IP6K2: variants seen among roughly 807,000 people sequenced by gnomAD.
IP6K2 encodes the protein inositol hexakisphosphate kinase 2.
IP6K2 carries 9 observed loss-of-function variants against 43.3 expected under a neutral mutation model. The ratio of observed to expected loss-of-function variants is 0.21; its 90% CI spans 0.13 to 0.36. The LOEUF is 0.36. Among genes scored for constraint, IP6K2 ranks in the 10% least tolerant of loss-of-function variants. The pLI, the probability that IP6K2 is intolerant of heterozygous loss-of-function variation, is 1.00. For missense variants in IP6K2, 332 were observed against 538.4 expected, an observed-to-expected ratio of 0.62 and a Z score of 3.79; for synonymous variants, 209 against 202.4, an observed-to-expected ratio of 1.03 and a Z score of -0.28.
At chr3:48,709,416 A>C (rs759631930) in intron 1 of IP6K2, among the ~76,000 whole-genome samples, 3 of 152,254 alleles carry the variant, frequency 2.0e-5, no homozygotes, top group Non-Finnish European at 4.4e-5. Flanking sequence ...AGGGTCTGCA[A>C]ACTACTCCAG....
At chr3:48,701,966 G>A (rs1009540974) in intron 1 of IP6K2, among the ~76,000 whole-genome samples, 1 of 152,248 alleles carries the variant, frequency 6.6e-6, no homozygotes, top group Non-Finnish European at 1.5e-5. Context: ...CTCATTGGCT[G>A]AAATTTCCTT....
intron 1 of IP6K2, chr3:48,715,275 G>A (rs1270457999): frequency 3.3e-6 from 5 of 1,535,674 alleles, no homozygotes; most frequent in East Asian, 2.4e-5. Context: ...TTCTTCCCCA[G>A]TGCATCCTCT....
chr3:48,715,384 C>T, intron 1 of IP6K2: 1 of 1,536,220 alleles, frequency 6.5e-7, no homozygotes, highest in Non-Finnish European at 8.7e-7. Context: ...ATCTCAGGAG[C>T]TTACAGAAGG....
At position 48,693,664 on chromosome 3, in the gene IP6K2, A is replaced by G. The variant is rs778736549; in HGVS notation, c.203-485T>C. 7.3e-6 allele frequency: 8 copies of G among 1,093,470 alleles called. 1 individual carries two copies. The South Asian group carries it at 2.1e-4, about 28-fold the overall frequency. 67.7% of individuals were successfully genotyped at this position (1,093,470 alleles called of 1,614,324 possible). On this transcript the variant is annotated intron_variant, in intron 2 of 5. Coordinates refer to ENST00000328631, the MANE Select transcript of IP6K2 (RefSeq NM_016291.4). ...TCCAAGAGTAAGGGAAGACTGGGTA[A>G]GCAAAGCAAAATAAAGGGGCAAACA... is the stretch of plus-strand genomic sequence containing the variant.
chr3:48,711,885 G>A (rs779102289), intron 1 of IP6K2, among the ~76,000 whole-genome samples: 4 of 152,032 alleles, frequency 2.6e-5, no homozygotes, highest in Non-Finnish European at 4.4e-5. Context: ...CAGCACCAGA[G>A]CCAAGCATAT....
At chr3:48,691,546 T>C (rs1432032145) in intron 3 of IP6K2, 64 bp from the exon 4 acceptor site, 1 of 1,258,662 alleles carries the variant, frequency 7.9e-7, no homozygotes, top group Non-Finnish European at 1.1e-6. Context: ...CCGGGCATGG[T>C]GGCTCATGCC....
In IP6K2 at chr3:48,692,998, A is replaced by AG; in HGVS notation, c.383dup (p.Lys129Ter). ...TACGGTGCTGACGCACCCAGTCCTT[A>AG]GGGGTCTTTTCTGTTTCTAAGACAT... On this transcript the variant is annotated frameshift_variant, in exon 3 of 6. Coordinates refer to ENST00000328631, the MANE Select transcript of IP6K2 (RefSeq NM_016291.4). LOFTEE classifies it high-confidence loss of function. 6.2e-7 allele frequency: 1 copy of AG among 1,614,146 alleles called. No homozygotes were observed. The highest frequency in any genetic ancestry group is 8.5e-7 in the Non-Finnish European group (1 of 1,180,004).
At chr3:48,694,285 C>A in intron 2 of IP6K2, 1 of 1,551,498 alleles carries the variant, frequency 6.4e-7, no homozygotes. Flanking sequence ...GCCCCCAACT[C>A]CCCCATCCCC....
intron 1 of IP6K2, among the ~76,000 whole-genome samples, chr3:48,713,696 G>A (rs1025526285): frequency 3.3e-5 from 5 of 151,774 alleles, no homozygotes; most frequent in African/African-American, 4.8e-5. Context: ...GGTGCCACGC[G>A]CCTGTAATCC....
intron 1 of IP6K2, among the ~76,000 whole-genome samples, chr3:48,716,720 C>G (rs1308650187): frequency 6.6e-6 from 1 of 152,110 alleles, no homozygotes; most frequent in Non-Finnish European, 1.5e-5. Context: ...TGAGCTGACT[C>G]CCTATCCAAA....
At chr3:48,717,014 G>A (rs1454049913) in intron 1 of IP6K2, 143 bp downstream of exon 1, 1 of 153,894 alleles carries the variant, frequency 6.5e-6, no homozygotes, top group African/African-American at 2.4e-5. Flanking sequence ...GACCCCGGGA[G>A]ATTTCCCCCA....
At chr3:48,706,844 G>A (rs1241744281) in intron 1 of IP6K2, among the ~76,000 whole-genome samples, 1 of 152,062 alleles carries the variant, frequency 6.6e-6, no homozygotes, top group Non-Finnish European at 1.5e-5. Context: ...GAAAGCGGTG[G>A]TCAAAATGCT....
At chr3:48,704,078 G>A (rs1399585557) in intron 1 of IP6K2, among the ~76,000 whole-genome samples, 1 of 151,980 alleles carries the variant, frequency 6.6e-6, no homozygotes, top group East Asian at 1.9e-4. Flanking sequence ...GCAACAGAGT[G>A]AGACTCTATC....
At chr3:48,694,897 T>C in intron 2 of IP6K2, 193 bp downstream of exon 2, 1 of 1,541,212 alleles carries the variant, frequency 6.5e-7, no homozygotes, top group Non-Finnish European at 8.7e-7. Flanking sequence ...AATTGAGCAA[T>C]CTTACCAGGG....
At chr3:48,710,735 G>A (rs774007238) in intron 1 of IP6K2, among the ~76,000 whole-genome samples, 3 of 151,872 alleles carry the variant, frequency 2.0e-5, no homozygotes, top group Non-Finnish European at 4.4e-5. Flanking sequence ...TCAGCCTTCC[G>A]AGCAGCTGGG....
chr3:48,694,023 C>CG, intron 2 of IP6K2: 66 of 1,400,936 alleles, frequency 4.7e-5, no homozygotes, highest in South Asian at 3.2e-4. Context: ...CCTCCCAGGC[C>CG]TCTCTGCCCC....
At chr3:48,703,457 C>G (rs1203785798) in intron 1 of IP6K2, among the ~76,000 whole-genome samples, 1 of 151,828 alleles carries the variant, frequency 6.6e-6, no homozygotes, top group Admixed American at 6.6e-5. Flanking sequence ...GTAATCCCAG[C>G]ACTTTGGGAG....
intron 2 of IP6K2, 152 bp from the exon 3 acceptor site, chr3:48,693,331 C>T (rs961245475): frequency 1.3e-5 from 14 of 1,102,962 alleles, no homozygotes; most frequent in Non-Finnish European, 2.0e-5. Context: ...TAACAAATAT[C>T]AAAACAGCTA....
intron 2 of IP6K2, chr3:48,694,662 T>C (rs555966751): frequency 6.6e-7 from 1 of 1,506,392 alleles, no homozygotes; most frequent in East Asian, 2.5e-5. Flanking sequence ...ACTCCTGCAT[T>C]CCATCTGACT....
Sources: gnomAD v4.1 joint callset for allele counts (sites outside exome capture counted in the v4.1 genomes callset) on GRCh38, gnomAD v4.1.1 for gene constraint, MANE v1.5 for transcripts, NCBI Gene and HGNC (gene_info 2026-07-23, HGNC 2026-07-21) for gene names.